The following TFEC variants were observed in gnomAD, a reference collection of about 807,000 sequenced individuals.
TFEC encodes transcription factor EC, also known as class E basic helix-loop-helix protein 34.
TFEC carries 31 observed loss-of-function variants against 41.6 expected under a neutral mutation model. That is an observed-to-expected ratio of 0.74 (90% CI 0.56 to 1.01). The LOEUF is 1.01. TFEC is among the 50% of genes least tolerant of loss of function. The pLI, the probability that TFEC is intolerant of heterozygous loss-of-function variation, is 0.00. For missense variants in TFEC, 402 were observed against 404.1 expected (o/e 0.99, Z 0.04); for synonymous variants, 143 against 140.6 (o/e 1.02, Z -0.12).
At chr7:115,996,394 A>G (rs1303089644) in intron 1 of TFEC, among the ~76,000 whole-genome samples, 1 of 152,026 alleles carries the variant, frequency 6.6e-6, no homozygotes, top group Non-Finnish European at 1.5e-5. Context: ...TAAAATGCTA[A>G]TTAGACCCTG....
At chr7:116,112,436 T>C (rs1421340378) in intron 1 of TFEC, among the ~76,000 whole-genome samples, 1 of 152,010 alleles carries the variant, frequency 6.6e-6, no homozygotes, top group East Asian at 1.9e-4. Context: ...GTAAAATTCA[T>C]TGTATGTTAT....
chr7:116,028,961 T>C (rs1192235212), intron 1 of TFEC, among the ~76,000 whole-genome samples: 1 of 152,180 alleles, frequency 6.6e-6, no homozygotes, highest in Non-Finnish European at 1.5e-5. Context: ...AAAATTTCAC[T>C]ATGCTACAAA....
At chr7:116,119,332 T>G (rs1798058841) in intron 1 of TFEC, among the ~76,000 whole-genome samples, 1 of 151,758 alleles carries the variant, frequency 6.6e-6, no homozygotes, top group South Asian at 2.1e-4. Flanking sequence ...GAGAAAAACA[T>G]GGATCTAGCC....
At position 115,973,225 on chromosome 7, in the gene TFEC, C is replaced by T. The variant is rs1480581866; in HGVS notation, c.267+945G>A. 2.0e-5 allele frequency among the ~76,000 whole-genome samples: 3 copies of T among 151,888 alleles called. No individual in the cohort carries two copies. The East Asian group carries it at 5.8e-4, about 29-fold the overall frequency. On this transcript the variant is annotated intron_variant, in intron 3 of 7. Coordinates refer to ENST00000265440, the MANE Select transcript of TFEC (RefSeq NM_012252.4). ...TACTAGAGAAAAGGAGAAAGAGACA[C>T]TTCTCTCATTAGATAGTCTACTTAA... is the stretch of plus-strand genomic sequence containing the variant.
At chr7:116,158,472 T>C (rs1420850671) in intron 1 of TFEC, among the ~76,000 whole-genome samples, 1 of 152,134 alleles carries the variant, frequency 6.6e-6, no homozygotes, top group Non-Finnish European at 1.5e-5. Flanking sequence ...TTTAAGCAAC[T>C]AACTATATAT....
At chr7:116,137,549 T>A (rs1043945304) in intron 1 of TFEC, among the ~76,000 whole-genome samples, 6 of 152,162 alleles carry the variant, frequency 3.9e-5, no homozygotes, top group Non-Finnish European at 7.4e-5. Context: ...GAATTGGGTT[T>A]AAGGATTCCA....
At chr7:116,149,981 C>A (rs1485135201) in intron 1 of TFEC, among the ~76,000 whole-genome samples, 2 of 152,102 alleles carry the variant, frequency 1.3e-5, no homozygotes, top group Non-Finnish European at 2.9e-5. Context: ...CAACATAAAA[C>A]CAAATGGAAA....
intron 1 of TFEC, among the ~76,000 whole-genome samples, chr7:116,148,484 G>A (rs1358049118): frequency 6.6e-6 from 1 of 152,160 alleles, no homozygotes; most frequent in African/African-American, 2.4e-5. Context: ...TCAGAGCAGG[G>A]AACAGAAGCA....
chr7:116,045,074 G>A (rs1233929721), intron 3 of TFEC, among the ~76,000 whole-genome samples: 4 of 152,212 alleles, frequency 2.6e-5, no homozygotes, highest in African/African-American at 9.6e-5. Context: ...AAGCGACTTT[G>A]GAACTGGTTA....
chr7:116,001,481 C>T (rs1237867825), intron 1 of TFEC, among the ~76,000 whole-genome samples: 2 of 149,248 alleles, frequency 1.3e-5, no homozygotes, highest in South Asian at 2.1e-4. Flanking sequence ...GGCGACAGAG[C>T]GAGACTCAGT....
intron 1 of TFEC, among the ~76,000 whole-genome samples, chr7:116,156,757 T>A (rs1798877278): frequency 6.6e-6 from 1 of 152,214 alleles, no homozygotes; most frequent in South Asian, 2.1e-4. Flanking sequence ...GTGAGGCTCC[T>A]AATGTTTTCT....
At chr7:115,951,425 A>G (rs535187786) in intron 5 of TFEC, among the ~76,000 whole-genome samples, 1 of 152,096 alleles carries the variant, frequency 6.6e-6, no homozygotes. Flanking sequence ...CCTTGAGGGC[A>G]GGGACCTAAC....
chr7:115,951,045 G>C (rs1791912687), intron 5 of TFEC, 96 bp from the exon 6 acceptor site: 1 of 607,770 alleles, frequency 1.6e-6, no homozygotes. Flanking sequence ...AAAACAATGG[G>C]AAAAAAACTT....
intron 3 of TFEC, among the ~76,000 whole-genome samples, chr7:115,972,419 A>G (rs1562901949): frequency 6.6e-6 from 1 of 152,094 alleles, no homozygotes; most frequent in Non-Finnish European, 1.5e-5. Flanking sequence ...TGATTTGCAC[A>G]ATGTCTGGAC....
At chr7:116,027,732 G>T (rs1476038749) in intron 1 of TFEC, among the ~76,000 whole-genome samples, 3 of 152,158 alleles carry the variant, frequency 2.0e-5, no homozygotes, top group African/African-American at 7.2e-5. Flanking sequence ...GAAGTCTCTG[G>T]CTCAGTGGCA....
chr7:116,082,733 T>A (rs143049062), intron 3 of TFEC, among the ~76,000 whole-genome samples: 6 of 152,080 alleles, frequency 3.9e-5, no homozygotes, highest in Non-Finnish European at 8.8e-5. Flanking sequence ...ATTCATCCTG[T>A]CTAATTAGTA....
chr7:116,105,959 C>T lies in TFEC; in HGVS notation c.198+4749G>A, dbSNP rs147931949. 1.5e-3 allele frequency among the ~76,000 whole-genome samples: 229 copies of T among 151,972 alleles called. 1 individual carries two copies. Among genetic ancestry groups the T allele is most frequent in the African/African-American group, 4.9e-3 (202 of 41,444 alleles). On this transcript the variant is annotated intron_variant, in intron 3 of 8. Transcript: ENST00000484212. ...TGATAGAGTGGTGGGGAATTCAAGA[C>T]GTTGTAGAAAAGAAAGAATTTCTTT...
intron 3 of TFEC, among the ~76,000 whole-genome samples, chr7:116,110,520 T>C (rs1418437531): frequency 1.3e-5 from 2 of 152,110 alleles, no homozygotes; most frequent in Non-Finnish European, 2.9e-5. Context: ...TGCTGAATAT[T>C]TCCATGCTGT....
In TFEC at chr7:115,936,043, C is replaced by A. The variant is rs1310854839; in HGVS notation, c.*4508G>T. On this transcript the variant is annotated 3_prime_UTR_variant, in exon 8 of 8. Coordinates refer to ENST00000265440, the MANE Select transcript of TFEC (RefSeq NM_012252.4). ...TCCTATACATTCAAATCTCTATGGA[C>A]CTCAGAGGGAAAATGTAGCACTGAA... 2 of 151,428 alleles carry A rather than the reference C, an allele frequency of 1.3e-5. No individual in the cohort carries two copies. The highest frequency in any genetic ancestry group is 3.0e-5 in the Non-Finnish European group (2 of 67,572). 9.4% of individuals were successfully genotyped at this position (151,428 alleles called of 1,614,324 possible). A position where few individuals can be genotyped will look rare whatever the true frequency, so the allele number is the denominator to read the frequency against.
Sources: allele counts gnomAD v4.1 joint callset (sites outside exome capture counted in the v4.1 genomes callset), GRCh38; gene constraint gnomAD v4.1.1; transcripts MANE v1.5; gene names NCBI Gene and HGNC (gene_info 2026-07-23, HGNC 2026-07-21).